Variants in KCND2 observed in about 807,000 individuals in gnomAD.
KCND2 encodes A-type voltage-gated potassium channel KCND2.
Under a neutral mutation model 54.4 loss-of-function variants are expected in KCND2, and 16 were observed. The ratio of observed to expected loss-of-function variants is 0.29; its 90% CI spans 0.20 to 0.45. KCND2 has a LOEUF of 0.45. KCND2 is among the 20% of genes least tolerant of loss of function. The probability of loss-of-function intolerance (pLI) is 1.00; values close to 1 mark genes in which losing one functional copy is unlikely to be tolerated. For missense variants in KCND2, 486 were observed against 824.2 expected, an observed-to-expected ratio of 0.59 and a Z score of 5.02; for synonymous variants, 317 against 310.7, an observed-to-expected ratio of 1.02 and a Z score of -0.21.
chr7:120,449,306 G>A (rs1248860057), intron 1 of KCND2, among the ~76,000 whole-genome samples: 1 of 147,758 alleles, frequency 6.8e-6, no homozygotes, highest in Non-Finnish European at 1.5e-5. Flanking sequence ...TCCAGCCTGG[G>A]CCACAGAGCC....
chr7:120,406,688 A>G (rs1193865380), intron 1 of KCND2, among the ~76,000 whole-genome samples: 1 of 152,036 alleles, frequency 6.6e-6, no homozygotes, highest in Non-Finnish European at 1.5e-5. Context: ...ATGCAAAGTT[A>G]GGAATTGAGC....
intron 1 of KCND2, among the ~76,000 whole-genome samples, chr7:120,569,446 G>A (rs1792336552): frequency 1.3e-5 from 2 of 151,882 alleles, no homozygotes; most frequent in African/African-American, 4.8e-5. Flanking sequence ...TTTTATATTG[G>A]TACAAGTCAA....
chr7:120,597,750 C>G (rs1468984627), intron 1 of KCND2, among the ~76,000 whole-genome samples: 1 of 152,082 alleles, frequency 6.6e-6, no homozygotes, highest in East Asian at 1.9e-4. Flanking sequence ...TCCCCAAATC[C>G]ACTATTCTCT....
intron 1 of KCND2, among the ~76,000 whole-genome samples, chr7:120,387,584 G>T (rs1343977330): frequency 6.6e-6 from 1 of 151,950 alleles, no homozygotes; most frequent in Non-Finnish European, 1.5e-5. Context: ...AAAGCAGCAT[G>T]AAATCCAAAC....
At chr7:120,401,236 T>C (rs527378994) in intron 1 of KCND2, among the ~76,000 whole-genome samples, 1 of 152,200 alleles carries the variant, frequency 6.6e-6, no homozygotes, top group Admixed American at 6.5e-5. Flanking sequence ...CATGCAGCTG[T>C]ACTGACATCA....
intron 1 of KCND2, among the ~76,000 whole-genome samples, chr7:120,453,154 C>T (rs965755167): frequency 2.0e-5 from 3 of 152,178 alleles, no homozygotes; most frequent in African/African-American, 7.2e-5. Flanking sequence ...AAAGCCACTC[C>T]CCAACTGCTT....
intron 1 of KCND2, among the ~76,000 whole-genome samples, chr7:120,609,478 G>A (rs932522971): frequency 2.0e-5 from 3 of 152,108 alleles, no homozygotes; most frequent in Non-Finnish European, 2.9e-5. Flanking sequence ...CTTTGGGGAA[G>A]GCTAATGCAT....
intron 1 of KCND2, among the ~76,000 whole-genome samples, chr7:120,309,564 C>CAT (rs1799704629): frequency 6.7e-6 from 1 of 149,136 alleles, no homozygotes; most frequent in East Asian, 2.2e-4. Context: ...CACACACACA[C>CAT]ACATATATAT....
At chr7:120,464,408 C>T (rs1421563484) in intron 1 of KCND2, among the ~76,000 whole-genome samples, 1 of 152,016 alleles carries the variant, frequency 6.6e-6, no homozygotes, top group African/African-American at 2.4e-5. Flanking sequence ...ATGTAGAAGT[C>T]GTAATAGCTC....
intron 1 of KCND2, among the ~76,000 whole-genome samples, chr7:120,669,806 C>T (rs934629571): frequency 6.6e-6 from 1 of 151,982 alleles, no homozygotes; most frequent in Non-Finnish European, 1.5e-5. Context: ...GCCATAGTAG[C>T]CAATGGGATA....
At chr7:120,543,516 C>T (rs1415690161) in intron 1 of KCND2, among the ~76,000 whole-genome samples, 1 of 151,998 alleles carries the variant, frequency 6.6e-6, no homozygotes, top group Non-Finnish European at 1.5e-5. Flanking sequence ...AGTCAAGTAG[C>T]TTGTTCAGCT....
intron 1 of KCND2, among the ~76,000 whole-genome samples, chr7:120,615,359 G>T (rs572125427): frequency 1.3e-5 from 2 of 152,262 alleles, no homozygotes; most frequent in Admixed American, 1.3e-4. Flanking sequence ...TACTGAGAGT[G>T]CCTCAGTTTC....
intron 1 of KCND2, among the ~76,000 whole-genome samples, chr7:120,528,638 G>A (rs747970681): frequency 6.6e-6 from 1 of 152,036 alleles, no homozygotes; most frequent in Non-Finnish European, 1.5e-5. Context: ...ATAACACAAA[G>A]CAAATAAATG....
At chr7:120,713,096 T>A (rs1044281231) in intron 1 of KCND2, among the ~76,000 whole-genome samples, 1 of 152,186 alleles carries the variant, frequency 6.6e-6, no homozygotes, top group Non-Finnish European at 1.5e-5. Context: ...CACCTCATTG[T>A]GAGGTTACGA....
intron 1 of KCND2, among the ~76,000 whole-genome samples, chr7:120,564,196 A>G (rs1792269986): frequency 6.6e-6 from 1 of 152,200 alleles, no homozygotes. Flanking sequence ...AAATTTTAAT[A>G]TATGCTATAT....
At chr7:120,624,684 G>C (rs558634794) in intron 1 of KCND2, among the ~76,000 whole-genome samples, 1 of 152,130 alleles carries the variant, frequency 6.6e-6, no homozygotes, top group Non-Finnish European at 1.5e-5. Context: ...TGGCGGCTGA[G>C]GTGGGAGGAT....
intron 1 of KCND2, among the ~76,000 whole-genome samples, chr7:120,398,495 A>AGAT (rs3067066): frequency 0.065 from 9,856 of 152,044 alleles, 1,045 homozygotes; most frequent in East Asian, 0.52. Flanking sequence ...TGGCTGCAAG[A>AGAT]GATGCCTGAA....
intron 1 of KCND2, among the ~76,000 whole-genome samples, chr7:120,423,240 C>T (rs899265982): frequency 6.6e-6 from 1 of 152,180 alleles, no homozygotes; most frequent in Non-Finnish European, 1.5e-5. Flanking sequence ...ACTTCACCTT[C>T]CTGTATTATG....
intron 1 of KCND2, among the ~76,000 whole-genome samples, chr7:120,391,968 G>T (rs1279063972): frequency 1.3e-5 from 2 of 151,934 alleles, no homozygotes; most frequent in Admixed American, 6.6e-5. Context: ...TGCTTTTGGT[G>T]TTTTATTCAT....
Sources: gnomAD v4.1 joint callset for allele counts (sites outside exome capture counted in the v4.1 genomes callset) on GRCh38, gnomAD v4.1.1 for gene constraint, MANE v1.5 for transcripts, NCBI Gene and HGNC (gene_info 2026-07-23, HGNC 2026-07-21) for gene names.